Variants in BRWD1 observed in about 807,000 individuals in gnomAD.
The protein encoded by BRWD1 is bromodomain and WD repeat domain containing 1.
A neutral mutation model predicts 251.2 loss-of-function variants in BRWD1; 82 were observed. The observed-to-expected ratio is 0.33, with a 90% confidence interval of 0.27 to 0.39. BRWD1 has a LOEUF of 0.39. Among genes scored for constraint, BRWD1 ranks in the 10% least tolerant of loss-of-function variants. The pLI, the probability that BRWD1 is intolerant of heterozygous loss-of-function variation, is 1.00. For missense variants in BRWD1, 2,233 were observed against 2,711.6 expected (o/e 0.82, Z 3.92); for synonymous variants, 918 against 902.8 (o/e 1.02, Z -0.30).
intron 22 of BRWD1, 97 bp downstream of exon 22, chr21:39,238,382 A>T: frequency 1.1e-6 from 1 of 905,510 alleles, no homozygotes; most frequent in Non-Finnish European, 1.7e-6. Context: ...ACTGTTCCAC[A>T]GTTGCAAATT....
At chr21:39,239,068 T>C (rs2033905462) in intron 21 of BRWD1, among the ~76,000 whole-genome samples, 1 of 152,208 alleles carries the variant, frequency 6.6e-6, no homozygotes, top group South Asian at 2.1e-4. Flanking sequence ...GAGTTCTTTG[T>C]ATATTGTGAA....
intron 37 of BRWD1, among the ~76,000 whole-genome samples, chr21:39,203,434 G>GTTT (rs2032210759): frequency 1.6e-5 from 1 of 64,286 alleles, no homozygotes; most frequent in African/African-American, 4.8e-5. Context: ...GCAAGACCCT[G>GTTT]GTTCTTTTTT....
At position 39,186,951 on chromosome 21, in the gene BRWD1, T is replaced by C. The variant is rs190148582; in HGVS notation, c.*9308A>G. On this transcript the variant is annotated 3_prime_UTR_variant, in exon 41 of 41. Transcript: ENST00000342449. The stretch of plus-strand genomic sequence containing the variant: ...GCCAATAAGGGAGTAATTTTAGAGC[T>C]GGGAGCAGAATGTAACTGCCAGTTT... The C allele has an allele frequency of 7.7e-3, 11,509 of 1,499,870 alleles. 57 individuals carry two copies. Among genetic ancestry groups the C allele is most frequent in the Non-Finnish European group, 9.6e-3 (10,854 of 1,130,412 alleles). The allele number at this position is 1,499,870 out of a possible 1,614,324, so 92.9% of individuals were successfully genotyped here.
At position 39,202,351 on chromosome 21, in the gene BRWD1, G is replaced by C. The variant is rs776234202; in HGVS notation, c.4559C>G (p.Pro1520Arg). The C allele has an allele frequency of 5.0e-6, 8 of 1,613,048 alleles. No homozygotes were observed. Among genetic ancestry groups the C allele is most frequent in the Non-Finnish European group, 6.8e-6 (8 of 1,179,240 alleles). The change falls in exon 38 of 41, where the codon CCT (proline) becomes CGT (arginine). Residue 1520 changes from proline (P) to arginine (R), a missense_variant. Physicochemically the swap from Pro to Arg is moderately radical, Grantham distance 103. Transcript: ENST00000342449. ...ESSERRKRNRPITNGSTLSES... is the reference protein window; with the variant it reads ...ESSERRKRNRRITNGSTLSES... ...AGATAATGTAGAACCATTTGTTATA[G>C]GTCTATTTCTTTTCCTCCTTTCTGA...
At chr21:39,212,739 T>TA (rs200569399) in intron 33 of BRWD1, 32 bp from the exon 34 acceptor site, 40,358 of 1,422,786 alleles carry the variant, frequency 0.028, 700 homozygotes, top group Non-Finnish European at 0.033. Context: ...CTTAAGTATT[T>TA]AGAGTCTCAT....
chr21:39,205,449 C>T (rs1198034942), intron 37 of BRWD1, among the ~76,000 whole-genome samples: 1 of 152,100 alleles, frequency 6.6e-6, no homozygotes, highest in Non-Finnish European at 1.5e-5. Flanking sequence ...TAGACCCCAG[C>T]CTGGGCAACA....
At chr21:39,184,370 TTC>T (rs1182948277), downstream of BRWD1, 6 of 152,364 alleles carry the variant, frequency 3.9e-5, no homozygotes, top group African/African-American at 1.2e-4. Context: ...CTTTAATTGG[TTC>T]TCTTTAAAAT....
rs1000760570 is a variant in BRWD1 at position 39,190,750 on chromosome 21, T to C, written c.*5509A>G. 1 of 985,304 alleles carries C rather than the reference T, an allele frequency of 1.0e-6. No individual in the cohort carries two copies. The highest frequency in any genetic ancestry group is 6.2e-5 in the Admixed American group (1 of 16,258). The allele number at this position is 985,304 out of a possible 1,614,324, so 61.0% of individuals were successfully genotyped here. On this transcript the variant is annotated 3_prime_UTR_variant, in exon 41 of 41. Coordinates refer to ENST00000342449, the MANE Select transcript of BRWD1 (RefSeq NM_033656.4). ...ATAAAATGGTTTCTGTAACTTGCTGTGTTTTTAAACAGTTCCGTTTTCTAG... is the reference window on the plus strand; with the variant it reads ...ATAAAATGGTTTCTGTAACTTGCTGCGTTTTTAAACAGTTCCGTTTTCTAG...
chr21:39,287,905 A>G (rs968735391), intron 8 of BRWD1, among the ~76,000 whole-genome samples: 2 of 152,226 alleles, frequency 1.3e-5, no homozygotes, highest in African/African-American at 4.8e-5. Context: ...ATATACTGCT[A>G]TGAAACAACT....
At chr21:39,318,336 G>A (rs538248238), upstream of BRWD1, among the ~76,000 whole-genome samples, 43 of 152,292 alleles carry the variant, frequency 2.8e-4, no homozygotes, top group South Asian at 8.9e-3. Context: ...GGAAATCTGT[G>A]AGCAATGGAG....
At chr21:39,281,087 T>C (rs951448297) in intron 8 of BRWD1, among the ~76,000 whole-genome samples, 5 of 152,280 alleles carry the variant, frequency 3.3e-5, no homozygotes, top group African/African-American at 4.8e-5. Context: ...TGGTATATGA[T>C]AGAAACAAAG....
At chr21:39,292,137 G>GGT (rs2035833535) in intron 8 of BRWD1, among the ~76,000 whole-genome samples, 1 of 90,516 alleles carries the variant, frequency 1.1e-5, no homozygotes, top group Non-Finnish European at 2.2e-5. Context: ...GGGGGTGGGG[G>GGT]GGGGGGTCTC....
intron 7 of BRWD1, among the ~76,000 whole-genome samples, chr21:39,295,067 G>T (rs1024664326): frequency 6.6e-6 from 1 of 151,828 alleles, no homozygotes; most frequent in Non-Finnish European, 1.5e-5. Context: ...GAGGTCTGAG[G>T]AGCTTTTTAT....
intron 4 of BRWD1, among the ~76,000 whole-genome samples, chr21:39,308,481 CAA>C (rs35833623): frequency 0.31 from 33,493 of 107,884 alleles, 4,126 homozygotes; most frequent in Middle Eastern, 0.35. Context: ...CACCTTGTCT[CAA>C]AAAAAAAAAA....
chr21:39,320,104 C>T (rs960661166), intron 1 of BRWD1, among the ~76,000 whole-genome samples: 12 of 152,262 alleles, frequency 7.9e-5, no homozygotes, highest in Admixed American at 5.2e-4. Context: ...AGCCATGGCT[C>T]GCTTGCCCTT....
upstream of BRWD1, chr21:39,314,281 C>T: frequency 2.2e-6 from 1 of 455,946 alleles, no homozygotes; most frequent in Non-Finnish European, 4.4e-6. Context: ...TGAAGGCTGC[C>T]GAGACCCAGC....
intron 19 of BRWD1, among the ~76,000 whole-genome samples, chr21:39,251,806 G>A (rs1601387700): frequency 6.6e-6 from 1 of 152,094 alleles, no homozygotes; most frequent in Non-Finnish European, 1.5e-5. Context: ...CCTGATATCT[G>A]TATGTTTCCC....
chr21:39,294,974 T>C (rs1198887380), intron 7 of BRWD1, among the ~76,000 whole-genome samples: 1 of 152,176 alleles, frequency 6.6e-6, no homozygotes, highest in Non-Finnish European at 1.5e-5. Flanking sequence ...AGGTTTTTAA[T>C]ACTTACTTGA....
intron 20 of BRWD1, among the ~76,000 whole-genome samples, chr21:39,248,640 CCAAAAAAA>C (rs1568913639): frequency 3.4e-5 from 1 of 29,692 alleles, no homozygotes; most frequent in African/African-American, 1.5e-4. Flanking sequence ...ACCCTATCTC[CCAAAAAAA>C]AAAAAAAAAA....
Sources: gnomAD v4.1 joint callset for allele counts (sites outside exome capture counted in the v4.1 genomes callset) on GRCh38, gnomAD v4.1.1 for gene constraint, MANE v1.5 for transcripts, NCBI Gene and HGNC (gene_info 2026-07-23, HGNC 2026-07-21) for gene names.